The following ARHGAP39 variants were observed in gnomAD, a reference collection of about 807,000 sequenced individuals.
ARHGAP39 encodes the protein rho GTPase-activating protein 39.
Under a neutral mutation model 106.9 loss-of-function variants are expected in ARHGAP39, and 44 were observed. That is an observed-to-expected ratio of 0.41 (90% confidence interval 0.32 to 0.53). ARHGAP39 has a LOEUF of 0.53. Ranked by LOEUF, ARHGAP39 falls within the 20% of genes least tolerant of loss-of-function variation. The pLI, the probability that ARHGAP39 is intolerant of heterozygous loss-of-function variation, is 0.21. For missense variants in ARHGAP39, 1,496 were observed against 1,577.3 expected, an observed-to-expected ratio of 0.95 and a Z score of 0.87; for synonymous variants, 768 against 693.2, an observed-to-expected ratio of 1.11 and a Z score of -1.69.
In ARHGAP39 at chr8:144,547,188, T is replaced by TC; in HGVS notation, c.1897dup (p.Glu633GlyfsTer23). 1 of 1,612,204 alleles carries TC rather than the reference T, an allele frequency of 6.2e-7. No individual in the cohort carries two copies. On this transcript the variant is annotated frameshift_variant, in exon 5 of 12. Transcript: ENST00000377307. LOFTEE classifies it high-confidence loss of function. This position sits in a 1 kb window ranked among gnomAD's most constrained non-coding sequence, Gnocchi z 5.2. The stretch of plus-strand genomic sequence containing the variant: ...GTTGGTCTGCACGGAGACGCTCTTC[T>TC]CCAGCAGGATCTGGGGGAAGCCTAG...
In ARHGAP39 at chr8:144,674,793, G is replaced by A. The variant is rs548507365; in HGVS notation, c.-82+10893C>T. 1.3e-3 allele frequency among the ~76,000 whole-genome samples: 198 copies of A among 152,350 alleles called. 1 individual carries two copies. Among genetic ancestry groups the A allele is most frequent in the African/African-American group, 4.6e-3 (193 of 41,594 alleles). The stretch of plus-strand genomic sequence containing the variant: ...TCGTCGGCACCCAAAGTCCGAAGGC[G>A]GCCGAGAAGGCAGGGGGCTGGCATG... On this transcript the variant is annotated intron_variant, in intron 1 of 11. Coordinates refer to ENST00000377307, the MANE Select transcript of ARHGAP39 (RefSeq NM_025251.3).
At chr8:144,574,184 TGAGGAG>T (rs139240824) in intron 3 of ARHGAP39, among the ~76,000 whole-genome samples, 9 of 137,444 alleles carry the variant, frequency 6.5e-5, no homozygotes, top group East Asian at 6.4e-4. Context: ...AAGATGAAGA[TGAGGAG>T]GAGGAGGAGG....
chr8:144,564,879 G>C (rs1818334306), intron 3 of ARHGAP39, among the ~76,000 whole-genome samples: 1 of 151,746 alleles, frequency 6.6e-6, no homozygotes, highest in Admixed American at 6.6e-5. Flanking sequence ...GGCCAAGATG[G>C]GGGCGAGTCA....
In ARHGAP39 at chr8:144,561,396, T is replaced by TTTCCATCACACTCCA. The variant is rs1564848376; in HGVS notation, c.513-5754_513-5753insTGGAGTGTGATGGAA. On this transcript the variant is annotated intron_variant, in intron 3 of 11. Transcript: ENST00000377307. ...GTTTCCATCGGACTCACCCCAGTGGTGTCCATCACACTCCAGTGGTTTCCA... is the reference window on the plus strand; with the variant it reads ...GTTTCCATCGGACTCACCCCAGTGGTTTCCATCACACTCCAGTCCATCACACTCCAGTGGTTTCCA... Among the ~76,000 whole-genome samples the TTTCCATCACACTCCA allele has an allele frequency of 3.2e-4, 48 of 148,234 alleles. 1 individual carries two copies. Among genetic ancestry groups the TTTCCATCACACTCCA allele is most frequent in the African/African-American group, 1.1e-3 (44 of 39,364 alleles).
chr8:144,617,503 C>G (rs565001226), intron 1 of ARHGAP39, among the ~76,000 whole-genome samples: 1 of 151,970 alleles, frequency 6.6e-6, no homozygotes, highest in African/African-American at 2.4e-5. Context: ...GGAGACCCCT[C>G]CAGCTCAGCT....
chr8:144,682,604 T>C (rs1232654484), intron 1 of ARHGAP39, among the ~76,000 whole-genome samples: 1 of 151,580 alleles, frequency 6.6e-6, no homozygotes, highest in South Asian at 2.1e-4. Flanking sequence ...GCAGGCAGAA[T>C]GTTACACTGC....
intron 1 of ARHGAP39, among the ~76,000 whole-genome samples, chr8:144,610,850 T>C (rs1820467612): frequency 6.6e-6 from 1 of 152,166 alleles, no homozygotes. Flanking sequence ...GGAGTCTCAC[T>C]CTGTCACCCA....
intron 7 of ARHGAP39, among the ~76,000 whole-genome samples, chr8:144,534,431 C>T (rs552706531): frequency 1.3e-5 from 2 of 152,188 alleles, no homozygotes; most frequent in South Asian, 2.1e-4. Flanking sequence ...TGGGAGGAAC[C>T]GCCTGGCAGC....
Position 144,604,356 on chromosome 8 carries a change from C to A in ARHGAP39, c.80+1179G>T, listed in dbSNP as rs1820204088. Among the ~76,000 whole-genome samples, 1 of 152,132 alleles carries A rather than the reference C, an allele frequency of 6.6e-6. No homozygotes were observed. Among genetic ancestry groups the A allele is most frequent in the South Asian group, 2.1e-4 (1 of 4,830 alleles). The stretch of plus-strand genomic sequence containing the variant: ...TTCTCCTGAAAAACTGTCAGACAAA[C>A]CCAAACCAAGGAACTCTCTATTTTA... On this transcript the variant is annotated intron_variant, in intron 2 of 11. Coordinates refer to ENST00000377307, the MANE Select transcript of ARHGAP39 (RefSeq NM_025251.3). This position sits in a 1 kb window ranked among gnomAD's most constrained non-coding sequence, Gnocchi z 4.1.
chr8:144,647,290 G>A lies in ARHGAP39; in HGVS notation c.-82+38396C>T, dbSNP rs763064097. 6.6e-6 allele frequency among the ~76,000 whole-genome samples: 1 copy of A among 152,036 alleles called. No homozygotes were observed. Among genetic ancestry groups the A allele is most frequent in the Non-Finnish European group, 1.5e-5 (1 of 68,000 alleles). ...CCTGCTCTGACCCTTCTTAAAGCTCGAGCATGTGGCCCCAGTAAGAGCAGG... is the reference window on the plus strand; with the variant it reads ...CCTGCTCTGACCCTTCTTAAAGCTCAAGCATGTGGCCCCAGTAAGAGCAGG... On this transcript the variant is annotated intron_variant, in intron 1 of 11. Transcript: ENST00000377307. The surrounding 1 kb of genome is among the most constrained non-coding windows in gnomAD (Gnocchi z 4.8).
chr8:144,692,715 C>A, the ARHGAP39 span, among the ~76,000 whole-genome samples: 1 of 148,334 alleles, frequency 6.7e-6, no homozygotes, highest in Admixed American at 6.8e-5. Flanking sequence ...CATAAAAACA[C>A]TAGGAAGAGA....
At chr8:144,691,254 A>G in the ARHGAP39 span, among the ~76,000 whole-genome samples, 1 of 152,110 alleles carries the variant, frequency 6.6e-6, no homozygotes, top group African/African-American at 2.4e-5. Flanking sequence ...CCTTTCCTCA[A>G]GTGGATCCAG....
rs540564314 is a variant in ARHGAP39 at position 144,530,596 on chromosome 8, G to A, written c.3171C>T (p.Asn1057=). 57 of 1,609,430 alleles carry A rather than the reference G, an allele frequency of 3.5e-5. No individual in the cohort carries two copies. In the South Asian group the frequency reaches 5.8e-4, roughly 16 times the overall value. ...TGACATCCATCTTGGTGACCGCGAC[G>A]TTGGCCGGCTGCACGAAGACCTGGT... ...RFLQVFVQPA[N]VAVTKMDVSN... The change falls in exon 12 of 12, where the codon AAC becomes AAT. Residue 1057 remains asparagine, a synonymous_variant. Coordinates refer to ENST00000377307, the MANE Select transcript of ARHGAP39 (RefSeq NM_025251.3).
chr8:144,695,325 C>T, the ARHGAP39 span, among the ~76,000 whole-genome samples: 1 of 150,958 alleles, frequency 6.6e-6, no homozygotes, highest in South Asian at 2.1e-4. Context: ...CTGCCCGCCT[C>T]GGCCTCCCAA....
Position 144,548,084 on chromosome 8 carries a change from G to A in ARHGAP39, c.1002C>T (p.Phe334=), listed in dbSNP as rs1484731195. The A allele has an allele frequency of 1.3e-6, 2 of 1,594,828 alleles. No homozygotes were observed. Among genetic ancestry groups the A allele is most frequent in the Non-Finnish European group, 1.7e-6 (2 of 1,171,298 alleles). The part of the protein sequence containing the change: ...IYDEPPMDVQ[F]EAGGGYQAGS... ...CGGCCTGGTAGCCCCCGCCAGCCTC[G>A]AATTGCACGTCCATGGGGGGCTCAT... Residue 334 remains phenylalanine, a synonymous_variant, in exon 5 of 12, where the codon TTC becomes TTT. Transcript: ENST00000377307. This position sits in a 1 kb window ranked among gnomAD's most constrained non-coding sequence, Gnocchi z 7.4.
the ARHGAP39 span, among the ~76,000 whole-genome samples, chr8:144,700,095 C>T: frequency 6.6e-6 from 1 of 152,246 alleles, no homozygotes; most frequent in Non-Finnish European, 1.5e-5. This position sits in a 1 kb window ranked among gnomAD's most constrained non-coding sequence, Gnocchi z 5.6. Flanking sequence ...CCCTGTCCGT[C>T]ACCTCCTCGT....
intron 2 of ARHGAP39, among the ~76,000 whole-genome samples, chr8:144,588,918 C>T (rs1819285242): frequency 6.6e-6 from 1 of 152,388 alleles, no homozygotes; most frequent in East Asian, 1.9e-4. Context: ...CGGGCCCGCC[C>T]TCCTCCAGGC....
intron 1 of ARHGAP39, among the ~76,000 whole-genome samples, chr8:144,658,864 G>T (rs909669638): frequency 2.0e-5 from 3 of 152,118 alleles, no homozygotes; most frequent in Non-Finnish European, 2.9e-5. Flanking sequence ...AAATATTAAT[G>T]TTTAATATTG....
At chr8:144,533,944 G>A (rs1816844307) in intron 8 of ARHGAP39, among the ~76,000 whole-genome samples, 185 bp downstream of exon 8, 1 of 152,120 alleles carries the variant, frequency 6.6e-6, no homozygotes, top group Non-Finnish European at 1.5e-5. Context: ...AGCCCCCGGG[G>A]GAGGGTGCAG....
Sources: allele counts gnomAD v4.1 joint callset (sites outside exome capture counted in the v4.1 genomes callset), GRCh38; gene constraint gnomAD v4.1.1; non-coding constraint Gnocchi (gnomAD v3.1); transcripts MANE v1.5; gene names NCBI Gene and HGNC (gene_info 2026-07-23, HGNC 2026-07-21).